SPPL3: variants seen among roughly 807,000 people sequenced by gnomAD.
SPPL3 encodes signal peptide peptidase-like 3.
A neutral mutation model predicts 42.4 loss-of-function variants in SPPL3; 5 were observed. The ratio of observed to expected loss-of-function variants is 0.12; its 90% CI spans 0.06 to 0.25. The LOEUF is 0.25. Among genes scored for constraint, SPPL3 ranks in the 10% least tolerant of loss-of-function variants. The pLI is 1.00. For missense variants in SPPL3, 235 were observed against 489.0 expected (o/e 0.48, Z 4.90); for synonymous variants, 195 against 181.8 (o/e 1.07, Z -0.58).
At chr12:120,862,260 C>A (rs1481950880) in intron 1 of SPPL3, among the ~76,000 whole-genome samples, 1 of 152,198 alleles carries the variant, frequency 6.6e-6, no homozygotes, top group Non-Finnish European at 1.5e-5. Context: ...CTTAACACTT[C>A]TGACACCAAA....
chr12:120,783,108 A>ACTCATTTACC (rs1311328459), intron 5 of SPPL3, among the ~76,000 whole-genome samples: 1 of 152,194 alleles, frequency 6.6e-6, no homozygotes. Flanking sequence ...TCATTTACCA[A>ACTCATTTACC]AGATGGTATC....
At chr12:120,829,948 C>T (rs1222214568) in intron 1 of SPPL3, among the ~76,000 whole-genome samples, 1 of 149,250 alleles carries the variant, frequency 6.7e-6, no homozygotes, top group Non-Finnish European at 1.5e-5. Flanking sequence ...GAGCTGAGAT[C>T]GCACCATTGC....
chr12:120,819,154 A>G (rs916148102), intron 1 of SPPL3, among the ~76,000 whole-genome samples: 1 of 152,248 alleles, frequency 6.6e-6, no homozygotes, highest in Non-Finnish European at 1.5e-5. Flanking sequence ...ATACTACACT[A>G]AAATTCAACA....
At chr12:120,816,273 G>A (rs1387424092) in intron 1 of SPPL3, among the ~76,000 whole-genome samples, 1 of 152,046 alleles carries the variant, frequency 6.6e-6, no homozygotes, top group African/African-American at 2.4e-5. Flanking sequence ...GATGTTTAAT[G>A]GTTTCTTCTA....
intron 4 of SPPL3, 142 bp from the exon 5 acceptor site, chr12:120,783,894 C>T (rs2136979456): frequency 5.0e-6 from 3 of 603,918 alleles, no homozygotes; most frequent in Non-Finnish European, 2.8e-6. Context: ...TAATACTGCA[C>T]AAAAAATCTC....
At chr12:120,897,798 T>C (rs1050974230) in intron 1 of SPPL3, among the ~76,000 whole-genome samples, 1 of 152,206 alleles carries the variant, frequency 6.6e-6, no homozygotes, top group Non-Finnish European at 1.5e-5. Flanking sequence ...ACTTTCTCTC[T>C]GAAAAACTTC....
At chr12:120,801,712 T>C (rs1432140924) in intron 2 of SPPL3, among the ~76,000 whole-genome samples, 5 of 152,204 alleles carry the variant, frequency 3.3e-5, no homozygotes, top group African/African-American at 1.2e-4. Flanking sequence ...CATTTTTAGA[T>C]AAGCTGCACA....
rs551672334 is a variant in SPPL3, at chr12:120,895,509, C to T, written c.23+8336G>A. On this transcript the variant is annotated intron_variant, in intron 1 of 10. Transcript: ENST00000353487. ...GCCATGGACTATGAAACTTAGAAAT[C>T]AGTGACAATTTGGAGACTATTATTT... Among the ~76,000 whole-genome samples, 5 of 151,840 alleles carry T rather than the reference C, an allele frequency of 3.3e-5. No individual in the cohort carries two copies. In the South Asian group the frequency reaches 8.3e-4, roughly 25 times the overall value.
In SPPL3 at chr12:120,866,116, A is replaced by G. The variant is rs113484887; in HGVS notation, c.23+37729T>C. Among the ~76,000 whole-genome samples the G allele has an allele frequency of 1.8e-4, 27 of 152,334 alleles. 1 individual carries two copies. The South Asian group carries it at 2.7e-3, about 15-fold the overall frequency. ...CTGATTCTCCATTATGGTGAGTTGT[A>G]TAATTATATTTCATTATATATTACA... On this transcript the variant is annotated intron_variant, in intron 1 of 10. Coordinates refer to ENST00000353487, the MANE Select transcript of SPPL3 (RefSeq NM_139015.5).
chr12:120,823,520 C>A (rs182050513), intron 1 of SPPL3, among the ~76,000 whole-genome samples: 15 of 152,174 alleles, frequency 9.9e-5, no homozygotes, highest in Non-Finnish European at 4.4e-5. Flanking sequence ...TTTATCCCAG[C>A]TCCCACGACA....
chr12:120,873,822 A>G (rs555638997), intron 1 of SPPL3, among the ~76,000 whole-genome samples: 1 of 152,246 alleles, frequency 6.6e-6, no homozygotes, highest in East Asian at 1.9e-4. Flanking sequence ...CAGTGAGCCA[A>G]GATCATGCCA....
intron 10 of SPPL3, among the ~76,000 whole-genome samples, chr12:120,765,908 C>G (rs540945625): frequency 2.0e-5 from 3 of 152,256 alleles, no homozygotes; most frequent in East Asian, 1.9e-4. Context: ...CAAACTTTAA[C>G]GTAGTGTTAA....
intron 2 of SPPL3, among the ~76,000 whole-genome samples, chr12:120,806,116 C>G (rs1870480809): frequency 6.6e-6 from 1 of 150,382 alleles, no homozygotes; most frequent in Non-Finnish European, 1.5e-5. Flanking sequence ...ACTTTAAACG[C>G]GACAACAATC....
chr12:120,805,819 C>A (rs537822859), intron 2 of SPPL3, among the ~76,000 whole-genome samples: 16 of 152,200 alleles, frequency 1.1e-4, no homozygotes, highest in African/African-American at 3.1e-4. Flanking sequence ...AAGCCTTGCA[C>A]ACTGAAAATT....
intron 1 of SPPL3, among the ~76,000 whole-genome samples, chr12:120,838,989 C>T (rs1421366593): frequency 6.6e-6 from 1 of 151,958 alleles, no homozygotes; most frequent in East Asian, 1.9e-4. Flanking sequence ...ACCATTTGAC[C>T]CAGCCATCCC....
At chr12:120,880,376 G>A (rs912778277) in intron 1 of SPPL3, among the ~76,000 whole-genome samples, 1 of 152,074 alleles carries the variant, frequency 6.6e-6, no homozygotes, top group Non-Finnish European at 1.5e-5. Flanking sequence ...TTTCATGGAT[G>A]TGACACCAGA....
At position 120,764,308 on chromosome 12, in the gene SPPL3, ATGTG is replaced by A. The variant is rs201777178; in HGVS notation, c.*687_*690del. ...CATTTTTGTTTATTCATATATATCT[ATGTG>A]TGTGTTTATATATATATATGTACGT... On this transcript the variant is annotated 3_prime_UTR_variant, in exon 11 of 11. Coordinates refer to ENST00000353487, the MANE Select transcript of SPPL3 (RefSeq NM_139015.5). 1 of 145,534 alleles carries A rather than the reference ATGTG, an allele frequency of 6.9e-6. No individual in the cohort carries two copies. Among genetic ancestry groups the A allele is most frequent in the Non-Finnish European group, 1.5e-5 (1 of 67,748 alleles). 9.0% of individuals were successfully genotyped at this position (145,534 alleles called of 1,614,324 possible). A position where few individuals can be genotyped will look rare whatever the true frequency, so the allele number is the denominator to read the frequency against.
intron 1 of SPPL3, 114 bp downstream of exon 1, chr12:120,903,731 C>CT: frequency 1.9e-6 from 1 of 536,144 alleles, no homozygotes; most frequent in Non-Finnish European, 3.0e-6. Flanking sequence ...CCCCAACCCG[C>CT]GCCCCCCCCC....
intron 1 of SPPL3, among the ~76,000 whole-genome samples, chr12:120,864,632 G>A (rs528230029): frequency 4.6e-5 from 7 of 152,228 alleles, no homozygotes; most frequent in Non-Finnish European, 8.8e-5. Context: ...TACAAAATCT[G>A]CCAAATACTC....
Sources: allele counts gnomAD v4.1 joint callset (sites outside exome capture counted in the v4.1 genomes callset), GRCh38; gene constraint gnomAD v4.1.1; transcripts MANE v1.5; gene names NCBI Gene and HGNC (gene_info 2026-07-23, HGNC 2026-07-21).